The following QTMAN variants were observed in gnomAD, a reference collection of about 807,000 sequenced individuals.
The protein encoded by QTMAN is queuosine-tRNA mannosyltransferase.
chr2:144,083,901 T>G, the QTMAN span, among the ~76,000 whole-genome samples: 1 of 152,202 alleles, frequency 6.6e-6, no homozygotes, highest in Non-Finnish European at 1.5e-5. Flanking sequence ...ACAAAACTCA[T>G]AAGCATATTT....
At chr2:144,281,775 GAA>G in the QTMAN span, among the ~76,000 whole-genome samples, 1 of 152,156 alleles carries the variant, frequency 6.6e-6, no homozygotes, top group Non-Finnish European at 1.5e-5. Context: ...GCATAGCCAG[GAA>G]AGAGACCTCA....
At chr2:144,022,495 C>T in the QTMAN span, among the ~76,000 whole-genome samples, 1 of 145,522 alleles carries the variant, frequency 6.9e-6, no homozygotes, top group East Asian at 2.0e-4. Flanking sequence ...TTGCTACATT[C>T]TTTTAAGTTT....
At chr2:144,109,934 C>T in the QTMAN span, among the ~76,000 whole-genome samples, 1 of 152,210 alleles carries the variant, frequency 6.6e-6, no homozygotes, top group East Asian at 1.9e-4. Context: ...CACTTTTACA[C>T]TGTTGGTGGG....
chr2:144,318,190 A>C, the QTMAN span, among the ~76,000 whole-genome samples: 2,967 of 128,432 alleles, frequency 0.023, 39 homozygotes, highest in Non-Finnish European at 0.031. Flanking sequence ...GCTCTATTTA[A>C]ATAAACACAC....
chr2:144,294,223 A>G, the QTMAN span: 1 of 152,110 alleles, frequency 6.6e-6, no homozygotes, highest in East Asian at 1.9e-4. Flanking sequence ...TTGATTTCCT[A>G]TCAACCAGAA....
the QTMAN span, among the ~76,000 whole-genome samples, chr2:144,032,948 A>G: frequency 5.9e-5 from 9 of 152,334 alleles, no homozygotes; most frequent in East Asian, 9.6e-4. Context: ...AGAATTTGGT[A>G]TATGTTTAGA....
chr2:144,184,687 A>G, the QTMAN span, among the ~76,000 whole-genome samples: 1 of 152,138 alleles, frequency 6.6e-6, no homozygotes, highest in Non-Finnish European at 1.5e-5. Flanking sequence ...AAAATCATTC[A>G]ATTTTATGTT....
At chr2:143,943,681 C>T in the QTMAN span, 1 of 152,180 alleles carries the variant, frequency 6.6e-6, no homozygotes, top group African/African-American at 2.4e-5. Flanking sequence ...CTCTGCAGCC[C>T]TCTATGGCTA....
At chr2:144,277,654 ATTTT>A in the QTMAN span, among the ~76,000 whole-genome samples, 2 of 150,880 alleles carry the variant, frequency 1.3e-5, no homozygotes, top group Non-Finnish European at 3.0e-5. Context: ...CACCTACAAA[ATTTT>A]TTTTTTCTTT....
the QTMAN span, among the ~76,000 whole-genome samples, chr2:144,291,831 T>C: frequency 2.0e-5 from 3 of 152,352 alleles, no homozygotes; most frequent in Admixed American, 6.5e-5. Context: ...ACCACTTGTC[T>C]GAATCATTAA....
chr2:144,022,309 T>C, the QTMAN span, among the ~76,000 whole-genome samples: 2 of 151,770 alleles, frequency 1.3e-5, no homozygotes, highest in Non-Finnish European at 2.9e-5. Context: ...TATATATATA[T>C]GATGGGGTCT....
At chr2:144,200,650 G>A in the QTMAN span, among the ~76,000 whole-genome samples, 4 of 152,162 alleles carry the variant, frequency 2.6e-5, no homozygotes, top group Admixed American at 2.6e-4. Flanking sequence ...CCTGAACTAA[G>A]AAACTTTTTT....
the QTMAN span, among the ~76,000 whole-genome samples, chr2:144,279,078 T>G: frequency 6.6e-6 from 1 of 152,132 alleles, no homozygotes; most frequent in Non-Finnish European, 1.5e-5. Flanking sequence ...AACCCAAGTC[T>G]CTATGATGTT....
At chr2:144,064,058 A>G in the QTMAN span, among the ~76,000 whole-genome samples, 19 of 152,312 alleles carry the variant, frequency 1.2e-4, no homozygotes, top group African/African-American at 4.6e-4. Context: ...TCAGTCTTCG[A>G]GCATAAATAA....
the QTMAN span, among the ~76,000 whole-genome samples, chr2:144,299,094 A>G: frequency 7.9e-4 from 121 of 152,338 alleles, no homozygotes; most frequent in African/African-American, 2.7e-3. Context: ...CACTACTGCT[A>G]TAGAACACTT....
the QTMAN span, among the ~76,000 whole-genome samples, chr2:144,155,696 T>A: frequency 6.6e-6 from 1 of 152,132 alleles, no homozygotes; most frequent in Non-Finnish European, 1.5e-5. Context: ...TACTGACCAG[T>A]CAAGCCAGAG....
At chr2:144,088,324 A>G in the QTMAN span, among the ~76,000 whole-genome samples, 1 of 152,038 alleles carries the variant, frequency 6.6e-6, no homozygotes, top group Non-Finnish European at 1.5e-5. Flanking sequence ...TGTGAAGATA[A>G]AACAGACAGA....
the QTMAN span, among the ~76,000 whole-genome samples, chr2:144,024,830 G>A: frequency 6.6e-6 from 1 of 151,988 alleles, no homozygotes; most frequent in Admixed American, 6.6e-5. Flanking sequence ...ATTGTAATGG[G>A]GTTATACTTC....
the QTMAN span, among the ~76,000 whole-genome samples, chr2:144,037,459 G>T: frequency 6.6e-6 from 1 of 152,164 alleles, no homozygotes; most frequent in Non-Finnish European, 1.5e-5. Flanking sequence ...GACTTGGGAG[G>T]AGGGATGTAC....
Sources: allele counts gnomAD v4.1 joint callset (sites outside exome capture counted in the v4.1 genomes callset), GRCh38; gene constraint gnomAD v4.1.1; transcripts MANE v1.5; gene names NCBI Gene and HGNC (gene_info 2026-07-23, HGNC 2026-07-21).